The following ARHGAP29 variants were observed in gnomAD, a reference collection of about 807,000 sequenced individuals.
ARHGAP29 encodes the protein rho GTPase-activating protein 29.
A neutral mutation model predicts 122.6 loss-of-function variants in ARHGAP29; 43 were observed. The ratio of observed to expected loss-of-function variants is 0.35; its 90% confidence interval spans 0.27 to 0.45. The LOEUF (loss-of-function observed/expected upper bound fraction) is 0.45. Among genes scored for constraint, ARHGAP29 ranks in the 20% least tolerant of loss-of-function variants. The pLI is 1.00. For missense variants in ARHGAP29, 1,303 were observed against 1,477.2 expected (o/e 0.88, Z 1.93); for synonymous variants, 506 against 497.1 (o/e 1.02, Z -0.24).
At chr1:94,197,168 G>A (rs542975990) in intron 12 of ARHGAP29, among the ~76,000 whole-genome samples, 9 of 151,952 alleles carry the variant, frequency 5.9e-5, no homozygotes, top group Non-Finnish European at 8.8e-5. Context: ...TACCAGTATC[G>A]GGAATGAAAG....
chr1:94,295,507 T>C, the ARHGAP29 span, among the ~76,000 whole-genome samples: 1 of 151,980 alleles, frequency 6.6e-6, no homozygotes, highest in Non-Finnish European at 1.5e-5. Flanking sequence ...ATTTCAGAAA[T>C]GGAGCGATTC....
rs369513425 is a variant in ARHGAP29, at chr1:94,254,851, T to C, written c.-33+20161A>G. ...TTTCTTGAACACCAAGTCAGTGAAA[T>C]GGAGCTGCCAGATGCCAATAACAAT... On this transcript the variant is annotated intron_variant and NMD_transcript_variant, in intron 1 of 25. Coordinates refer to the ARHGAP29 transcript ENST00000552844. 1.8e-4 allele frequency among the ~76,000 whole-genome samples: 28 copies of C among 152,292 alleles called. No homozygotes were observed. In the South Asian group the frequency reaches 3.3e-3, roughly 18 times the overall value.
chr1:94,251,359 C>CG (rs368893448), intron 1 of ARHGAP29, among the ~76,000 whole-genome samples: 5,532 of 151,868 alleles, frequency 0.036, 163 homozygotes, highest in East Asian at 0.097. Context: ...TTAATAGAGG[C>CG]GGGGTTTCAC....
chr1:94,273,441 A>T (rs1429865674), intron 1 of ARHGAP29, among the ~76,000 whole-genome samples: 1 of 152,206 alleles, frequency 6.6e-6, no homozygotes, highest in African/African-American at 2.4e-5. Context: ...TTGGTCTCTT[A>T]TTTATCACTC....
At chr1:94,245,660 A>C (rs1203037278) in intron 1 of ARHGAP29, among the ~76,000 whole-genome samples, 4 of 152,186 alleles carry the variant, frequency 2.6e-5, no homozygotes, top group Admixed American at 6.5e-5. Context: ...AGGATATTCA[A>C]CATACTTGGG....
the ARHGAP29 span, among the ~76,000 whole-genome samples, chr1:94,306,236 C>T: frequency 1.3e-5 from 2 of 152,202 alleles, no homozygotes; most frequent in Non-Finnish European, 2.9e-5. Context: ...TGGGGATGGG[C>T]AGGGTCTTGG....
At chr1:94,295,210 A>G in the ARHGAP29 span, among the ~76,000 whole-genome samples, 7 of 152,234 alleles carry the variant, frequency 4.6e-5, no homozygotes, top group African/African-American at 1.4e-4. Context: ...AGCATCAGTT[A>G]TAGGTTAGAG....
chr1:94,224,802 C>T (rs1328698002), intron 2 of ARHGAP29, among the ~76,000 whole-genome samples: 2 of 152,130 alleles, frequency 1.3e-5, no homozygotes, highest in East Asian at 3.9e-4. Flanking sequence ...AAATGGTCTA[C>T]GAACTTGCAA....
Position 94,189,232 on chromosome 1 carries a change from G to A in ARHGAP29, c.1560C>T (p.Asn520=), listed in dbSNP as rs1188253450. ...GAAAACTACCTGTTATATCTGCACTGTTAGAGCATCTGTCCTCTTCAATTT... is the reference window on the plus strand; with the variant it reads ...GAAAACTACCTGTTATATCTGCACTATTAGAGCATCTGTCCTCTTCAATTT... ...SNKIEEDRCS[N]SADITGPSFI... Residue 520 remains asparagine, a synonymous_variant, in exon 14 of 23, where the codon AAC becomes AAT. Transcript: ENST00000260526. The A allele has an allele frequency of 6.2e-7, 1 of 1,611,632 alleles. No individual in the cohort carries two copies. The highest frequency in any genetic ancestry group is 8.5e-7 in the Non-Finnish European group (1 of 1,179,212).
rs369676928 is a variant in ARHGAP29, at chr1:94,219,288, CCCTA to C, written c.340+966_340+969del. ...ATGTCACCTCCTTGCAGGTCCATCTCCCTACCTGTTAGGTGTTTCTCCAATTCCT... is the reference window on the plus strand; with the variant it reads ...ATGTCACCTCCTTGCAGGTCCATCTCCCTGTTAGGTGTTTCTCCAATTCCT... On this transcript the variant is annotated intron_variant, in intron 3 of 22. Transcript: ENST00000260526. Among the ~76,000 whole-genome samples the C allele has an allele frequency of 2.3e-4, 27 of 117,214 alleles. No individual in the cohort carries two copies. In the South Asian group the frequency reaches 4.5e-3, roughly 19 times the overall value. The allele number at this position is 117,214 out of a possible 152,430, so 76.9% of individuals were successfully genotyped here. A position where few individuals can be genotyped will look rare whatever the true frequency, so the allele number is the denominator to read the frequency against.
rs189458087 is a variant in ARHGAP29, at chr1:94,209,047, A to G, written c.438-143T>C. On this transcript the variant is annotated intron_variant, in intron 4 of 22. Transcript: ENST00000260526. ...CTAGGAATCTGTTCACATAAACCAC[A>G]GTCACTTGCAAATGGATGTTGCTTC... 1.8e-5 allele frequency: 15 copies of G among 841,044 alleles called. No individual in the cohort carries two copies. The East Asian group carries it at 2.7e-4, about 15-fold the overall frequency. 52.1% of individuals were successfully genotyped at this position (841,044 alleles called of 1,614,324 possible).
At chr1:94,265,190 T>G (rs111381339) in intron 1 of ARHGAP29, among the ~76,000 whole-genome samples, 95 of 152,340 alleles carry the variant, frequency 6.2e-4, no homozygotes, top group African/African-American at 2.2e-3. Flanking sequence ...CATCTCTGGC[T>G]TCAGCATCCT....
Position 94,209,072 on chromosome 1 carries a change from C to T in ARHGAP29, c.438-168G>A, listed in dbSNP as rs181499128. Among the ~76,000 whole-genome samples the T allele has an allele frequency of 1.4e-4, 22 of 152,252 alleles. No individual in the cohort carries two copies. In the East Asian group the frequency reaches 4.2e-3, roughly 29 times the overall value. On this transcript the variant is annotated intron_variant, in intron 4 of 22. Transcript: ENST00000260526. ...AGTCACTTGCAAATGGATGTTGCTT[C>T]TAAATAGCTATAAAAATATCTTCGA...
chr1:94,281,734 G>C, the ARHGAP29 span, among the ~76,000 whole-genome samples: 1 of 152,074 alleles, frequency 6.6e-6, no homozygotes, highest in Non-Finnish European at 1.5e-5. Flanking sequence ...ACATGAAGTT[G>C]GGCAAATGCT....
the ARHGAP29 span, among the ~76,000 whole-genome samples, chr1:94,289,157 C>G: frequency 2.0e-5 from 3 of 152,168 alleles, no homozygotes; most frequent in Admixed American, 1.3e-4. Flanking sequence ...TGTCCTCTTT[C>G]ATTTTGTTGA....
chr1:94,233,298 T>C (rs191661005), intron 1 of ARHGAP29, among the ~76,000 whole-genome samples: 1 of 152,076 alleles, frequency 6.6e-6, no homozygotes, highest in Non-Finnish European at 1.5e-5. Flanking sequence ...ATATGTAAGA[T>C]ACATTATTGT....
At chr1:94,234,031 G>A (rs184967778) in intron 1 of ARHGAP29, among the ~76,000 whole-genome samples, 11 of 152,202 alleles carry the variant, frequency 7.2e-5, no homozygotes, top group East Asian at 1.9e-4. Context: ...TCAAAGAAAC[G>A]TTCCTGGACC....
chr1:94,222,670 GAAT>G (rs1652372569), intron 2 of ARHGAP29, among the ~76,000 whole-genome samples: 1 of 151,982 alleles, frequency 6.6e-6, no homozygotes, highest in South Asian at 2.1e-4. Flanking sequence ...AAATAATAAA[GAAT>G]ATTAGAGGAA....
chr1:94,174,866 T>C, intron 22 of ARHGAP29, 117 bp from the exon 23 acceptor site: 5 of 1,175,562 alleles, frequency 4.3e-6, no homozygotes, highest in Non-Finnish European at 6.0e-6. Flanking sequence ...TTTTCCAAAA[T>C]AATATTCTCA....
Sources: gnomAD v4.1 joint callset for allele counts (sites outside exome capture counted in the v4.1 genomes callset) on GRCh38, gnomAD v4.1.1 for gene constraint, MANE v1.5 for transcripts, NCBI Gene and HGNC (gene_info 2026-07-23, HGNC 2026-07-21) for gene names.